Variants in GRIP1 observed in about 807,000 individuals in gnomAD.
The protein encoded by GRIP1 is glutamate receptor interacting protein 1.
GRIP1 carries 45 observed loss-of-function variants against 129.9 expected under a neutral mutation model. The ratio of observed to expected loss-of-function variants is 0.35; its 90% CI spans 0.27 to 0.44. The LOEUF is 0.44. Among genes scored for constraint, GRIP1 ranks in the 20% least tolerant of loss-of-function variants. GRIP1 has a pLI of 1.00. For missense variants in GRIP1, 1,196 were observed against 1,396.8 expected (o/e 0.86, Z 2.29); for synonymous variants, 530 against 520.8 (o/e 1.02, Z -0.24).
chr12:66,821,404 T>C (rs1774723119), intron 1 of GRIP1, among the ~76,000 whole-genome samples: 1 of 152,186 alleles, frequency 6.6e-6, no homozygotes, highest in Non-Finnish European at 1.5e-5. Context: ...TATCTTTATG[T>C]TACCATGAGT....
In GRIP1 at chr12:66,541,883, T is replaced by A; in HGVS notation, c.204A>T (p.Val68=). Residue 68 remains valine, a synonymous_variant, in exon 3 of 25, where the codon GTA becomes GTT. Coordinates refer to ENST00000359742, the MANE Select transcript of GRIP1 (RefSeq NM_001366722.1). ...KKEGTTLGLT[V]SGGIDKDGKP... is the part of the protein sequence containing the mutation. ...TGCCATCCTTATCAATTCCTCCCGA[T>A]ACCGTCAGACCCAGGGTAGTGCCTT... is the stretch of plus-strand genomic sequence containing the variant. 2 of 1,613,968 alleles carry A rather than the reference T, an allele frequency of 1.2e-6. No individual in the cohort carries two copies. Among genetic ancestry groups the A allele is most frequent in the Non-Finnish European group, 1.7e-6 (2 of 1,179,806 alleles).
intron 16 of GRIP1, among the ~76,000 whole-genome samples, chr12:66,401,598 G>GTATATATATATATATATATATATATA (rs1555177931): frequency 1.5e-5 from 1 of 66,262 alleles, no homozygotes; most frequent in African/African-American, 6.1e-5. Context: ...AAATATGTGT[G>GTATATATATATATATATATATATATA]TATATATATA....
chr12:66,350,655 C>T (rs1389883725), intron 24 of GRIP1, among the ~76,000 whole-genome samples: 1 of 152,114 alleles, frequency 6.6e-6, no homozygotes, highest in Non-Finnish European at 1.5e-5. Context: ...CTCTCCTCAC[C>T]AACAGATCCA....
At chr12:66,808,473 T>TTTTA (rs1555241027), upstream of GRIP1, among the ~76,000 whole-genome samples, 339 of 151,862 alleles carry the variant, frequency 2.2e-3, 3 homozygotes, top group African/African-American at 7.3e-3. Context: ...ACTTTTTGTG[T>TTTTA]TTTGTTTGTT....
chr12:66,354,073 G>A (rs2054361483), intron 23 of GRIP1, among the ~76,000 whole-genome samples: 3 of 152,132 alleles, frequency 2.0e-5, no homozygotes, highest in South Asian at 2.1e-4. Context: ...CCCCCAATGA[G>A]CACCATCACA....
intron 1 of GRIP1, among the ~76,000 whole-genome samples, chr12:66,718,262 G>A (rs2035953258): frequency 1.3e-5 from 2 of 152,224 alleles, no homozygotes; most frequent in South Asian, 4.1e-4. Context: ...TTCTGCTGCA[G>A]TGATTGCCAA....
chr12:66,517,362 C>T (rs7976246), intron 6 of GRIP1, among the ~76,000 whole-genome samples: 1 of 151,898 alleles, frequency 6.6e-6, no homozygotes, highest in Admixed American at 6.6e-5. Flanking sequence ...GAAAACTCTA[C>T]AGACTAATGA....
At chr12:66,895,794 A>G (rs1020404980) in intron 1 of GRIP1, among the ~76,000 whole-genome samples, 2 of 152,210 alleles carry the variant, frequency 1.3e-5, no homozygotes, top group African/African-American at 4.8e-5. Flanking sequence ...GAAGTTATAT[A>G]CACTCCATAG....
chr12:67,053,095 G>C (rs1478404139), intron 1 of GRIP1, among the ~76,000 whole-genome samples: 1 of 152,150 alleles, frequency 6.6e-6, no homozygotes, highest in African/African-American at 2.4e-5. Flanking sequence ...GAATCCATGA[G>C]GGGCCTTTGA....
intron 1 of GRIP1, among the ~76,000 whole-genome samples, chr12:67,019,404 C>G (rs1349511444): frequency 6.6e-6 from 1 of 152,140 alleles, no homozygotes; most frequent in African/African-American, 2.4e-5. Context: ...ACGGCTGGCC[C>G]TGACTGCACA....
chr12:66,833,334 C>T (rs2039551888), intron 1 of GRIP1, among the ~76,000 whole-genome samples: 1 of 152,180 alleles, frequency 6.6e-6, no homozygotes, highest in Non-Finnish European at 1.5e-5. Context: ...TCTTCAGAAG[C>T]ATTCCCATAT....
In GRIP1 at chr12:66,596,921, C is replaced by T. The variant is rs754526083; in HGVS notation, c.62G>A (p.Ser21Asn). Residue 21 changes from serine (S) to asparagine (N), a missense_variant, in exon 2 of 25, where the codon AGT (serine) becomes AAT (asparagine). Physicochemically the swap from Ser to Asn is conservative, Grantham distance 46 (BLOSUM62 1). Transcript: ENST00000359742. ...CTGGCTGGCGGATTTAGTGTAGGGA[C>T]TCTCATCTGCAAAGGTACAATGAAG... is the stretch of plus-strand genomic sequence containing the variant. ...QILRRLTKDE[S>N]PYTKSASQTK... 7 of 1,608,238 alleles carry T rather than the reference C, an allele frequency of 4.4e-6. No individual in the cohort carries two copies. The Admixed American group carries it at 8.3e-5, about 19-fold the overall frequency.
chr12:66,773,708 A>G lies in GRIP1; in HGVS notation c.-420+30345T>C, dbSNP rs150953476. Among the ~76,000 whole-genome samples, 1,315 of 152,332 alleles carry G rather than the reference A, an allele frequency of 8.6e-3. 5 individuals carry two copies. The highest frequency in any genetic ancestry group is 0.013 in the Non-Finnish European group (900 of 68,024). On this transcript the variant is annotated intron_variant, in intron 1 of 4. Coordinates refer to the GRIP1 transcript ENST00000538373. ...GTATCCCAGAACTTAAAGTATAATAATAAAAACAAAAAGAAAATAAAAGAA... is the reference window on the plus strand; with the variant it reads ...GTATCCCAGAACTTAAAGTATAATAGTAAAAACAAAAAGAAAATAAAAGAA...
chr12:66,392,965 A>G (rs1197835771), intron 17 of GRIP1, 149 bp from the exon 18 acceptor site: 2 of 768,640 alleles, frequency 2.6e-6, no homozygotes, highest in Non-Finnish European at 4.6e-6. Context: ...GGGCAATGTT[A>G]TAAGATAACT....
intron 22 of GRIP1, among the ~76,000 whole-genome samples, chr12:66,373,125 T>C (rs1472873957): frequency 1.3e-5 from 2 of 152,212 alleles, no homozygotes; most frequent in African/African-American, 4.8e-5. Context: ...ACTCTCACTC[T>C]GTCACCCAGG....
At chr12:66,982,712 A>C (rs531855427) in intron 1 of GRIP1, among the ~76,000 whole-genome samples, 1 of 152,180 alleles carries the variant, frequency 6.6e-6, no homozygotes, top group Non-Finnish European at 1.5e-5. Context: ...CAAGTCTTCA[A>C]ATGAAACTAC....
chr12:66,559,040 G>A (rs1810487475), intron 2 of GRIP1, among the ~76,000 whole-genome samples: 1 of 151,648 alleles, frequency 6.6e-6, no homozygotes. Flanking sequence ...AAATCAATCA[G>A]TGTGATATAC....
intron 1 of GRIP1, among the ~76,000 whole-genome samples, chr12:66,960,475 T>C (rs537134383): frequency 3.3e-5 from 5 of 152,172 alleles, no homozygotes; most frequent in African/African-American, 1.2e-4. Context: ...ATTTGGACTT[T>C]TTTTTAGCTT....
intron 16 of GRIP1, 110 bp downstream of exon 16, chr12:66,406,173 T>C: frequency 9.5e-7 from 1 of 1,053,992 alleles, no homozygotes. Context: ...TGTGAAACAC[T>C]GCTGCCACAT....
Sources: gnomAD v4.1 joint callset for allele counts (sites outside exome capture counted in the v4.1 genomes callset) on GRCh38, gnomAD v4.1.1 for gene constraint, MANE v1.5 for transcripts, NCBI Gene and HGNC (gene_info 2026-07-23, HGNC 2026-07-21) for gene names.